The following MBD1 variants were observed in gnomAD, a reference collection of about 807,000 sequenced individuals.
The protein encoded by MBD1 is methyl-CpG binding domain protein 1, also known as methyl-CpG-binding domain protein 1.
MBD1 carries 25 observed loss-of-function variants against 82.6 expected under a neutral mutation model. The ratio of observed to expected loss-of-function variants is 0.30; its 90% CI spans 0.22 to 0.42. The LOEUF is 0.42. Among genes scored for constraint, MBD1 ranks in the 10% least tolerant of loss-of-function variants. MBD1 has a pLI of 1.00. For missense variants in MBD1, 627 were observed against 819.6 expected, an observed-to-expected ratio of 0.76 and a Z score of 2.87; for synonymous variants, 301 against 303.7, an observed-to-expected ratio of 0.99 and a Z score of 0.09.
At chr18:50,277,717 CT>C (rs1242177278) in intron 2 of MBD1, among the ~76,000 whole-genome samples, 3 of 152,076 alleles carry the variant, frequency 2.0e-5, no homozygotes, top group Non-Finnish European at 2.9e-5. Context: ...AACGATTGTC[CT>C]TTTTGATAAA....
chr18:50,275,129 C>A lies in MBD1; in HGVS notation c.909G>T (p.Pro303=), dbSNP rs759943579. The part of the protein sequence containing the change: ...PPSQSPEPTE[P]HPRALAPSPP... ...TTCCCTCCACCCACTGGGGCCTCAC[C>A]GGCTCTGTGGGCTCTGGGGACTGTG... The change falls in exon 9 of 17, where the codon CCG becomes CCT. Residue 303 remains proline, a splice_region_variant and synonymous_variant. Coordinates refer to ENST00000269468, the MANE Select transcript of MBD1 (RefSeq NM_015846.4). The A allele has an allele frequency of 1.2e-6, 2 of 1,613,642 alleles. No individual in the cohort carries two copies. Among genetic ancestry groups the A allele is most frequent in the Admixed American group, 1.7e-5 (1 of 60,006 alleles).
intron 13 of MBD1, 163 bp from the exon 14 acceptor site, chr18:50,273,118 A>G: frequency 4.2e-6 from 5 of 1,203,300 alleles, no homozygotes; most frequent in Non-Finnish European, 4.8e-6. Flanking sequence ...CCCATTCCTC[A>G]CTGACCTCCG....
In MBD1 at chr18:50,278,741, T is replaced by C. The variant is rs964331449; in HGVS notation, c.110+1142A>G. On this transcript the variant is annotated intron_variant, in intron 2 of 16. Transcript: ENST00000269468. ...ACGTTCTACAAAGCTATCATGAACATTGAATACAAAACCATTGCTCCTAGA... is the reference window on the plus strand; with the variant it reads ...ACGTTCTACAAAGCTATCATGAACACTGAATACAAAACCATTGCTCCTAGA... Among the ~76,000 whole-genome samples, 14 of 152,370 alleles carry C rather than the reference T, an allele frequency of 9.2e-5. No homozygotes were observed. In the East Asian group the frequency reaches 9.6e-4, roughly 10 times the overall value.
In MBD1 at chr18:50,274,977, T is replaced by C; in HGVS notation, c.978A>G (p.Leu326=). Reference sequence around the variant, plus strand: ...ATCCAGGTAGGGTGGGGCCACTCACTAGCTCGTCCTCGTCTACACAGTAAT... The same window carrying C: ...ATCCAGGTAGGGTGGGGCCACTCACCAGCTCGTCCTCGTCTACACAGTAAT... ...FIYYCVDEDE[L]QPYTNRRQNR... The change falls in exon 10 of 17, where the codon CTA becomes CTG. Residue 326 remains leucine (L), a splice_region_variant and synonymous_variant. Transcript: ENST00000269468. The C allele has an allele frequency of 6.2e-7, 1 of 1,610,020 alleles. No homozygotes were observed. The highest frequency in any genetic ancestry group is 8.5e-7 in the Non-Finnish European group (1 of 1,178,408).
intron 8 of MBD1, 61 bp from the exon 9 acceptor site, chr18:50,275,306 C>T (rs565796565): frequency 2.5e-6 from 4 of 1,611,086 alleles, no homozygotes; most frequent in African/African-American, 2.7e-5. Context: ...CAGAAACTCC[C>T]CACACCCTAA....
chr18:50,277,141 A>G lies in MBD1; in HGVS notation c.174T>C (p.Asp58=). Residue 58 remains aspartate (D), a synonymous_variant, in exon 3 of 17, where the codon GAT becomes GAC. Coordinates refer to ENST00000269468, the MANE Select transcript of MBD1 (RefSeq NM_015846.4). ...ELTRYLGPAC[D]LTLFDFKQGI... ...CTTGTTTGAAGTCGAAGAGGGTGAG[A>G]TCACACGCAGGGCCCAGGTATCGAG... 1 of 1,614,190 alleles carries G rather than the reference A, an allele frequency of 6.2e-7. No individual in the cohort carries two copies. Among genetic ancestry groups the G allele is most frequent in the Non-Finnish European group, 8.5e-7 (1 of 1,180,028 alleles).
Position 50,269,770 on chromosome 18 carries a change from C to T in MBD1, c.*81G>A, listed in dbSNP as rs771904880. ...TCGTGGGCTCCACTGTGTCCTCGGT[C>T]TCCCACACTTTACATCCATCTTCCC... On this transcript the variant is annotated 3_prime_UTR_variant, in exon 17 of 17. Coordinates refer to ENST00000269468, the MANE Select transcript of MBD1 (RefSeq NM_015846.4). 1.3e-6 allele frequency: 1 copy of T among 783,348 alleles called. No individual in the cohort carries two copies. The highest frequency in any genetic ancestry group is 1.3e-5 in the South Asian group (1 of 74,670). The allele number at this position is 783,348 out of a possible 1,614,324, so 48.5% of individuals were successfully genotyped here.
In MBD1 at chr18:50,275,843, C is replaced by T. The variant is rs2037647549; in HGVS notation, c.655G>A (p.Val219Met). ...CCACTTGCCCAACTCACCCTTTCCA[C>T]AATCCGGAGGCAGCGTCTCCGTTCA... ...KCERRRCLRIVERSRGCGVCR... is the reference protein window; with the variant it reads ...KCERRRCLRIMERSRGCGVCR... The change falls in exon 7 of 17, where the codon GTG becomes ATG. Residue 219 changes from valine (V) to methionine (M), a missense_variant. Transcript: ENST00000269468. 2 of 1,614,104 alleles carry T rather than the reference C, an allele frequency of 1.2e-6. No homozygotes were observed. Among genetic ancestry groups the T allele is most frequent in the African/African-American group, 2.7e-5 (2 of 74,942 alleles).
chr18:50,274,031 C>T (rs2036725887), intron 11 of MBD1, among the ~76,000 whole-genome samples, 155 bp downstream of exon 11: 1 of 152,228 alleles, frequency 6.6e-6, no homozygotes. Context: ...AACACCAATG[C>T]CACCTAGACT....
intron 11 of MBD1, 133 bp downstream of exon 11, chr18:50,274,053 G>T: frequency 7.1e-7 from 1 of 1,401,436 alleles, no homozygotes; most frequent in Admixed American, 1.7e-5. Context: ...ATTAAGCCAA[G>T]AACAATGTCT....
At position 50,273,397 on chromosome 18, in the gene MBD1, G is replaced by T. The variant is rs765756480; in HGVS notation, c.1521C>A (p.Asp507Glu). The T allele has an allele frequency of 6.8e-6, 11 of 1,614,194 alleles. No homozygotes were observed. In the Admixed American group the frequency reaches 8.3e-5, roughly 12 times the overall value. Residue 507 changes from aspartate (D) to glutamate (E), a missense_variant, in exon 13 of 17, where the codon GAC (aspartate) becomes GAA (glutamate). By Grantham distance (45) the Asp-to-Glu change is conservative. Around this residue, in one of 6 missense-constraint regions of MBD1, gnomAD observed 265 missense variants for 278.4 expected, o/e 0.95. Transcript: ENST00000269468. ...QVKQEKADTQ[D>E]EWTPGTAVLT... Reference sequence around the variant, plus strand: ...GGACAGCTGTGCCTGGTGTCCACTCGTCCTGGGTATCCGCCTTCTCTTGCT... The same window carrying T: ...GGACAGCTGTGCCTGGTGTCCACTCTTCCTGGGTATCCGCCTTCTCTTGCT...
chr18:50,275,378 G>A (rs750497485), intron 8 of MBD1, 133 bp from the exon 9 acceptor site: 5 of 1,611,024 alleles, frequency 3.1e-6, no homozygotes, highest in Non-Finnish European at 3.4e-6. Flanking sequence ...ACAGTTGGGG[G>A]AGCCACAGCC....
rs1599477299 is a variant in MBD1 at position 50,277,262 on chromosome 18, A to G, written c.111-58T>C. 3.6e-6 allele frequency: 5 copies of G among 1,381,242 alleles called. No homozygotes were observed. The East Asian group carries it at 1.2e-4, about 32-fold the overall frequency. 85.6% of individuals were successfully genotyped at this position (1,381,242 alleles called of 1,614,324 possible). ...GTGGAGCCAATGCCATTTCACTCAT[A>G]CAACCTTTTGACAGGGCTGGCAGGA... On this transcript the variant is annotated intron_variant, in intron 2 of 16. Transcript: ENST00000269468.
At chr18:50,272,654 A>G in intron 15 of MBD1, 23 bp downstream of exon 15, 1 of 1,612,114 alleles carries the variant, frequency 6.2e-7, no homozygotes, top group Non-Finnish European at 8.5e-7. Context: ...CTCCTTCCCC[A>G]CCCCTCACTG....
At position 50,271,472 on chromosome 18, in the gene MBD1, GA is replaced by G. The variant is rs1412394113; in HGVS notation, c.*28del. On this transcript the variant is annotated 3_prime_UTR_variant, in exon 16 of 17. Transcript: ENST00000269468. ...AAAGCCAGTCTGCAAATATCACCTT[GA>G]ATCCTACAGTCTGTAGAAGCCTCCA... is the stretch of plus-strand genomic sequence containing the variant. The G allele has an allele frequency of 1.2e-6, 2 of 1,613,978 alleles. No homozygotes were observed. The highest frequency in any genetic ancestry group is 2.7e-5 in the African/African-American group (2 of 74,884).
intron 15 of MBD1, among the ~76,000 whole-genome samples, chr18:50,272,239 C>A (rs1319591105): frequency 6.6e-6 from 1 of 152,158 alleles, no homozygotes; most frequent in East Asian, 1.9e-4. Context: ...GCAAGCCCAG[C>A]ACCATTTCTC....
rs745905986 is a variant in MBD1, at chr18:50,280,003, G to A, written c.-11C>T. Reference sequence around the variant, plus strand: ...CCAGTCCTCAGCCATGGAGGCCACAGGAAGCAGCAGTAGCCTGAAAGGGGG... The same window carrying A: ...CCAGTCCTCAGCCATGGAGGCCACAAGAAGCAGCAGTAGCCTGAAAGGGGG... On this transcript the variant is annotated 5_prime_UTR_variant, in exon 2 of 17. Transcript: ENST00000269468. The A allele has an allele frequency of 1.2e-6, 2 of 1,605,788 alleles. No individual in the cohort carries two copies. The highest frequency in any genetic ancestry group is 1.3e-5 in the African/African-American group (1 of 75,018).
At chr18:50,269,987 TCAG>T (rs1568180077) in intron 16 of MBD1, 169 bp from the exon 17 acceptor site, 3 of 1,591,032 alleles carry the variant, frequency 1.9e-6, no homozygotes, top group South Asian at 1.1e-5. Flanking sequence ...ACATAAATGG[TCAG>T]CAGAAGCTTA....
rs1329370774 is a variant in MBD1 at position 50,269,685 on chromosome 18, C to G, written c.*166G>C. The G allele has an allele frequency of 2.6e-6, 2 of 777,332 alleles. No individual in the cohort carries two copies. Among genetic ancestry groups the G allele is most frequent in the Non-Finnish European group, 4.8e-6 (2 of 416,230 alleles). 48.2% of individuals were successfully genotyped at this position (777,332 alleles called of 1,614,324 possible). A position where few individuals can be genotyped will look rare whatever the true frequency, so the allele number is the denominator to read the frequency against. ...CTGCAGGACACCCACATCATCGAAG[C>G]TGGAGGTGGTGAGAGACTGACATGG... On this transcript the variant is annotated 3_prime_UTR_variant, in exon 17 of 17. Coordinates refer to ENST00000269468, the MANE Select transcript of MBD1 (RefSeq NM_015846.4).
Sources: allele counts gnomAD v4.1 joint callset (sites outside exome capture counted in the v4.1 genomes callset), GRCh38; gene constraint gnomAD v4.1.1; regional missense constraint gnomAD v4.1.1; transcripts MANE v1.5; gene names NCBI Gene and HGNC (gene_info 2026-07-23, HGNC 2026-07-21).